The following ANXA10 variants were observed in gnomAD, a reference collection of about 807,000 sequenced individuals.
The protein encoded by ANXA10 is annexin A10, also known as annexin 14.
Under a neutral mutation model 53.5 loss-of-function variants are expected in ANXA10, and 49 were observed. The ratio of observed to expected loss-of-function variants is 0.92; its 90% CI spans 0.73 to 1.16. The LOEUF (loss-of-function observed/expected upper bound fraction) is 1.16. ANXA10 is among the 50% of genes most tolerant of loss of function. The pLI is 0.00. For synonymous variants in ANXA10, 131 were observed against 128.9 expected (o/e 1.02, Z -0.11); for missense variants, 393 against 394.4 (o/e 1.00, Z 0.03).
At chr4:168,128,271 G>T in intron 2 of ANXA10, 106 bp downstream of exon 2, 13 of 531,976 alleles carry the variant, frequency 2.4e-5, no homozygotes, top group Non-Finnish European at 2.6e-5. Context: ...ACAAAACACA[G>T]ATACAGATTA....
At chr4:168,137,294 C>A (rs566555258) in intron 2 of ANXA10, among the ~76,000 whole-genome samples, 213 of 152,144 alleles carry the variant, frequency 1.4e-3, no homozygotes, top group African/African-American at 4.7e-3. Flanking sequence ...TATTTTTTTA[C>A]AAATTTAAGG....
At position 168,181,783 on chromosome 4, in the gene ANXA10, G is replaced by A. The variant is rs1253181879; in HGVS notation, c.783+42G>A. On this transcript the variant is annotated intron_variant, in intron 10 of 11. Transcript: ENST00000359299. ...TTTTTAAAATTTCTCCAGAAATTGTGTCTGTTTTCTCAAAGGATTAATTTT... is the reference window on the plus strand; with the variant it reads ...TTTTTAAAATTTCTCCAGAAATTGTATCTGTTTTCTCAAAGGATTAATTTT... 5 of 1,342,922 alleles carry A rather than the reference G, an allele frequency of 3.7e-6. No individual in the cohort carries two copies. In the African/African-American group the frequency reaches 5.8e-5, roughly 16 times the overall value. 83.2% of individuals were successfully genotyped at this position (1,342,922 alleles called of 1,614,324 possible).
At chr4:168,168,578 C>A (rs1731924264) in intron 6 of ANXA10, among the ~76,000 whole-genome samples, 1 of 152,040 alleles carries the variant, frequency 6.6e-6, no homozygotes, top group Non-Finnish European at 1.5e-5. Context: ...TGCCACCAAG[C>A]CCAGCTAATA....
At chr4:168,103,050 C>T (rs747214153) in intron 1 of ANXA10, among the ~76,000 whole-genome samples, 6 of 151,822 alleles carry the variant, frequency 4.0e-5, no homozygotes, top group Non-Finnish European at 8.8e-5. Context: ...TTATATTGTC[C>T]TATACATATT....
intron 3 of ANXA10, among the ~76,000 whole-genome samples, chr4:168,159,495 T>G (rs1731744928): frequency 6.6e-6 from 1 of 152,202 alleles, no homozygotes; most frequent in South Asian, 2.1e-4. Context: ...GCTTGATAGA[T>G]TACATTAGTG....
intron 3 of ANXA10, among the ~76,000 whole-genome samples, chr4:168,144,793 T>C (rs1162440163): frequency 5.3e-5 from 8 of 152,180 alleles, no homozygotes; most frequent in African/African-American, 1.9e-4. Context: ...ATTAGGCTGC[T>C]ACCCAGAGAA....
intron 2 of ANXA10, among the ~76,000 whole-genome samples, chr4:168,136,951 C>G (rs1421617675): frequency 3.9e-5 from 6 of 152,226 alleles, no homozygotes; most frequent in Non-Finnish European, 8.8e-5. Flanking sequence ...AACCTCAACT[C>G]TTGCTGTCCA....
intron 3 of ANXA10, among the ~76,000 whole-genome samples, chr4:168,149,202 T>A (rs1284553201): frequency 6.6e-6 from 1 of 152,198 alleles, no homozygotes; most frequent in Non-Finnish European, 1.5e-5. Context: ...GGAAATAGTG[T>A]CTCTCCAGCA....
At chr4:168,100,625 C>T (rs777270388) in intron 1 of ANXA10, among the ~76,000 whole-genome samples, 2 of 152,002 alleles carry the variant, frequency 1.3e-5, no homozygotes, top group Admixed American at 6.6e-5. Flanking sequence ...TATCTTAATT[C>T]GCAGTTGTAA....
chr4:168,127,710 A>C (rs1417637931), intron 1 of ANXA10: 2 of 456,422 alleles, frequency 4.4e-6, no homozygotes, highest in Non-Finnish European at 8.5e-6. Flanking sequence ...TGCAATTGAC[A>C]CACAAGTAAG....
chr4:168,158,455 A>G (rs774217175), intron 3 of ANXA10, among the ~76,000 whole-genome samples: 2 of 152,098 alleles, frequency 1.3e-5, no homozygotes, highest in Non-Finnish European at 2.9e-5. Context: ...TTTTTCATAT[A>G]TTGTTTATTC....
intron 3 of ANXA10, among the ~76,000 whole-genome samples, chr4:168,158,238 T>C (rs923655729): frequency 6.6e-6 from 1 of 152,210 alleles, no homozygotes; most frequent in African/African-American, 2.4e-5. Flanking sequence ...TCCCAGTTTG[T>C]AAGTTTTATT....
At chr4:168,182,975 C>T (rs1732285858) in intron 10 of ANXA10, among the ~76,000 whole-genome samples, 1 of 118,666 alleles carries the variant, frequency 8.4e-6, no homozygotes, top group South Asian at 2.3e-4. Context: ...CGCCACTGCA[C>T]TCCGGCCTGG....
Position 168,177,932 on chromosome 4 carries a change from A to C in ANXA10, c.577A>C (p.Thr193Pro), listed in dbSNP as rs77163954. Residue 193 changes from threonine to proline, a missense_variant, in exon 8 of 12, where the codon ACC (threonine) becomes CCC (proline). Transcript: ENST00000359299. Reference protein sequence around the residue: ...ACQQKTGEHKTMLQMILCNKS... With the variant: ...ACQQKTGEHKPMLQMILCNKS... ...TCAGCAGAAGACGGGGGAGCACAAAACCATGCTGCAAATGATCCTGTGCAA... is the reference window on the plus strand; with the variant it reads ...TCAGCAGAAGACGGGGGAGCACAAACCCATGCTGCAAATGATCCTGTGCAA... The C allele has an allele frequency of 1.9e-4, 311 of 1,613,620 alleles. No individual in the cohort carries two copies. The East Asian group carries it at 6.9e-3, about 36-fold the overall frequency.
chr4:168,185,847 T>A (rs1052779355), intron 11 of ANXA10, among the ~76,000 whole-genome samples: 1 of 152,206 alleles, frequency 6.6e-6, no homozygotes, highest in Non-Finnish European at 1.5e-5. Flanking sequence ...GAAAGAGTAA[T>A]CTAGAAGCAA....
At chr4:168,114,884 G>A (rs1730867658) in intron 1 of ANXA10, among the ~76,000 whole-genome samples, 1 of 151,606 alleles carries the variant, frequency 6.6e-6, no homozygotes, top group Non-Finnish European at 1.5e-5. Flanking sequence ...TCTATTTTTT[G>A]TTATTTTCTT....
chr4:168,102,205 T>C (rs558817208), intron 1 of ANXA10, among the ~76,000 whole-genome samples: 1 of 152,302 alleles, frequency 6.6e-6, no homozygotes, highest in East Asian at 1.9e-4. Flanking sequence ...GTTATATAAA[T>C]AGATAAATTT....
At chr4:168,139,352 T>C (rs1015105956) in intron 2 of ANXA10, 134 bp from the exon 3 acceptor site, 1 of 589,506 alleles carries the variant, frequency 1.7e-6, no homozygotes, top group Non-Finnish European at 2.9e-6. Flanking sequence ...TTTCCAATTT[T>C]AGTTAAAATT....
intron 3 of ANXA10, among the ~76,000 whole-genome samples, chr4:168,150,455 C>G (rs1731477803): frequency 6.6e-6 from 1 of 152,092 alleles, no homozygotes; most frequent in Admixed American, 6.5e-5. Flanking sequence ...GAAAAGAAAG[C>G]TTTATGTTTT....
Sources: gnomAD v4.1 joint callset for allele counts (sites outside exome capture counted in the v4.1 genomes callset) on GRCh38, gnomAD v4.1.1 for gene constraint, MANE v1.5 for transcripts, NCBI Gene and HGNC (gene_info 2026-07-23, HGNC 2026-07-21) for gene names.